Variants in CSMD1 observed in about 807,000 individuals in gnomAD.
The protein encoded by CSMD1 is CUB and sushi domain-containing protein 1.
Under a neutral mutation model 417.5 loss-of-function variants are expected in CSMD1, and 213 were observed. The ratio of observed to expected loss-of-function variants is 0.51; its 90% CI spans 0.46 to 0.57. The LOEUF is 0.57. CSMD1 is among the 20% of genes least tolerant of loss of function. The pLI is 0.00. For missense variants in CSMD1, 6,923 were observed against 4,529.7 expected (o/e 1.53, Z -15.17); for synonymous variants, 2,862 against 1,736.8 (o/e 1.65, Z -16.11).
At chr8:3,515,607 T>C (rs1335769135) in intron 10 of CSMD1, among the ~76,000 whole-genome samples, 1 of 152,232 alleles carries the variant, frequency 6.6e-6, no homozygotes, top group African/African-American at 2.4e-5. Flanking sequence ...GAAAACTTAT[T>C]ACTGTGGCAC....
intron 2 of CSMD1, among the ~76,000 whole-genome samples, chr8:4,507,227 A>T (rs143702411): frequency 3.3e-5 from 5 of 152,342 alleles, no homozygotes; most frequent in South Asian, 2.1e-4. Context: ...TAGATAGTAG[A>T]TACCCATGCA....
chr8:3,840,683 C>G (rs893745201), intron 5 of CSMD1, among the ~76,000 whole-genome samples: 3 of 143,892 alleles, frequency 2.1e-5, no homozygotes, highest in Admixed American at 6.9e-5. Context: ...GACCTCAATT[C>G]TTTTTTTTAA....
chr8:2,946,607 T>G (rs1273499348), intron 68 of CSMD1, among the ~76,000 whole-genome samples: 1 of 152,240 alleles, frequency 6.6e-6, no homozygotes, highest in South Asian at 2.1e-4. Flanking sequence ...TTCCATTGTA[T>G]GGCTATATTA....
At chr8:3,918,756 C>G (rs1047087516) in intron 5 of CSMD1, among the ~76,000 whole-genome samples, 4 of 152,152 alleles carry the variant, frequency 2.6e-5, no homozygotes, top group African/African-American at 7.2e-5. Flanking sequence ...GACTATTCTT[C>G]TAAGTGAAGT....
At chr8:4,852,963 A>G (rs928469900) in intron 1 of CSMD1, among the ~76,000 whole-genome samples, 4 of 152,216 alleles carry the variant, frequency 2.6e-5, no homozygotes, top group African/African-American at 9.6e-5. Flanking sequence ...CAATGCATTC[A>G]TGATGTGGCC....
intron 3 of CSMD1, among the ~76,000 whole-genome samples, chr8:4,244,386 T>C (rs913405566): frequency 1.3e-5 from 2 of 152,226 alleles, no homozygotes; most frequent in Admixed American, 6.5e-5. Context: ...CGGATGTTTT[T>C]ATGTTAATAG....
intron 2 of CSMD1, among the ~76,000 whole-genome samples, chr8:4,566,569 C>A (rs1190624504): frequency 7.3e-6 from 1 of 136,696 alleles, no homozygotes. Flanking sequence ...AGGAGAGTGG[C>A]GTGAACCCAG....
intron 7 of CSMD1, among the ~76,000 whole-genome samples, chr8:3,688,672 G>T (rs1036727819): frequency 2.6e-5 from 4 of 152,164 alleles, no homozygotes; most frequent in Non-Finnish European, 5.9e-5. Flanking sequence ...TTTCGTGGCA[G>T]TTCTGCAATA....
chr8:2,980,278 G>A (rs1014682810), intron 54 of CSMD1, among the ~76,000 whole-genome samples: 8 of 151,924 alleles, frequency 5.3e-5, no homozygotes, highest in South Asian at 2.1e-4. Context: ...AAATGGCCCC[G>A]GGATGCCAAA....
intron 7 of CSMD1, among the ~76,000 whole-genome samples, chr8:3,652,111 C>A (rs528227750): frequency 5.0e-5 from 5 of 99,512 alleles, no homozygotes; most frequent in African/African-American, 1.9e-4. Flanking sequence ...CCACCATCAG[C>A]ACGCTTACCA....
intron 3 of CSMD1, among the ~76,000 whole-genome samples, chr8:4,371,348 T>G (rs529094146): frequency 6.6e-6 from 1 of 152,186 alleles, no homozygotes; most frequent in Non-Finnish European, 1.5e-5. Context: ...AAGTTTTAAA[T>G]GCAGGGTTTT....
chr8:3,474,990 C>T (rs918158899), intron 11 of CSMD1, among the ~76,000 whole-genome samples: 1 of 152,140 alleles, frequency 6.6e-6, no homozygotes, highest in African/African-American at 2.4e-5. Flanking sequence ...CAGTGTAAAA[C>T]TCTGTCATCT....
chr8:4,708,091 C>T (rs559710695), intron 1 of CSMD1, among the ~76,000 whole-genome samples: 1 of 151,790 alleles, frequency 6.6e-6, no homozygotes, highest in South Asian at 2.1e-4. Context: ...GAACAGGCAT[C>T]TGCCAATACA....
chr8:2,961,972 C>A (rs911489876), intron 61 of CSMD1, among the ~76,000 whole-genome samples: 1 of 152,080 alleles, frequency 6.6e-6, no homozygotes, highest in Non-Finnish European at 1.5e-5. Flanking sequence ...GGATACTATT[C>A]AATTTCTTAG....
At position 3,367,114 on chromosome 8, in the gene CSMD1, G is replaced by A. The variant is rs140611844; in HGVS notation, c.3033C>T (p.Gly1011=). 7.0e-4 allele frequency: 1,124 copies of A among 1,613,788 alleles called. 11 individuals are homozygous for A. In the East Asian group the frequency reaches 0.023, roughly 32 times the overall value. The stretch of plus-strand genomic sequence containing the variant: ...GCTGGGCAGTGAAGTTTCCAAACAG[G>A]CCTGCCTTGATCGTATGAGGCAACA... ...GSVLPHTIKA[G]LFGNFTAQLR... Residue 1011 remains glycine, a synonymous_variant, in exon 20 of 70, where the codon GGC becomes GGT. Coordinates refer to ENST00000635120, the MANE Select transcript of CSMD1 (RefSeq NM_033225.6).
intron 7 of CSMD1, among the ~76,000 whole-genome samples, chr8:3,690,464 G>A (rs903723914): frequency 6.6e-6 from 1 of 152,226 alleles, no homozygotes; most frequent in African/African-American, 2.4e-5. Context: ...TAGTGTTCAA[G>A]GCTTCTCAAC....
chr8:3,678,467 T>C (rs1011498472), intron 7 of CSMD1, among the ~76,000 whole-genome samples: 1 of 151,868 alleles, frequency 6.6e-6, no homozygotes, highest in Admixed American at 6.6e-5. Context: ...TGAAATGAAG[T>C]AAGAAGAGAA....
intron 2 of CSMD1, among the ~76,000 whole-genome samples, chr8:4,586,234 C>T (rs1351758487): frequency 6.6e-6 from 1 of 152,182 alleles, no homozygotes. Context: ...GACCCTATTA[C>T]ACTTCCAAGT....
intron 7 of CSMD1, among the ~76,000 whole-genome samples, chr8:3,641,312 GGTGA>G (rs943462037): frequency 2.0e-4 from 31 of 151,920 alleles, no homozygotes; most frequent in African/African-American, 6.3e-4. Flanking sequence ...GTGGAGAACG[GGTGA>G]GTCACTAGCA....
Sources: gnomAD v4.1 joint callset for allele counts (sites outside exome capture counted in the v4.1 genomes callset) on GRCh38, gnomAD v4.1.1 for gene constraint, MANE v1.5 for transcripts, NCBI Gene and HGNC (gene_info 2026-07-23, HGNC 2026-07-21) for gene names.